Variants in ORM1 observed in about 807,000 individuals in gnomAD.
ORM1 encodes orosomucoid 1, also known as alpha-1-acid glycoprotein 1.
A neutral mutation model predicts 26.9 loss-of-function variants in ORM1; 13 were observed. That is an observed-to-expected ratio of 0.48 (90% confidence interval 0.31 to 0.77). The LOEUF is 0.77. ORM1 is among the 30% of genes least tolerant of loss of function. ORM1 has a pLI of 0.04. For missense variants in ORM1, 189 were observed against 246.8 expected (o/e 0.77, Z 1.57); for synonymous variants, 76 against 102.2 (o/e 0.74, Z 1.55).
chr9:114,324,111 G>C lies in ORM1; in HGVS notation c.328+23G>C, dbSNP rs767986560. ...ACGGTGAGGGCCAGCCCTCAGGCAG[G>C]AGGGTTCACTGTGGGAACAGGGCAG... On this transcript the variant is annotated intron_variant, in intron 3 of 5. Transcript: ENST00000259396. The C allele has an allele frequency of 1.1e-5, 17 of 1,610,570 alleles. No individual in the cohort carries two copies. In the South Asian group the frequency reaches 1.8e-4, roughly 17 times the overall value.
rs368706824 is a variant in ORM1 at position 114,325,005 on chromosome 9, G to C, written c.437-44G>C. The C allele has an allele frequency of 8.1e-6, 13 of 1,603,402 alleles. No homozygotes were observed. In the East Asian group the frequency reaches 2.9e-4, roughly 36 times the overall value. The stretch of plus-strand genomic sequence containing the variant: ...CCCCAGCCCTCCCTGGCCTCCCGCC[G>C]GGCCCCACCATGTCCCCAGTCAGTC... On this transcript the variant is annotated intron_variant, in intron 4 of 5. Transcript: ENST00000259396.
Position 114,325,064 on chromosome 9 carries a change from C to T in ORM1, c.452C>T (p.Thr151Met), listed in dbSNP as rs554585948. Residue 151 changes from threonine to methionine, a missense_variant, in exon 5 of 6, where the codon ACG becomes ATG. Transcript: ENST00000259396. ...CCCCCTGCAGCTGACAAGCCAGAGA[C>T]GACCAAGGAGCAACTGGGAGAGTTC... ...GLSVYADKPE[T>M]TKEQLGEFYE... The T allele has an allele frequency of 1.6e-5, 26 of 1,613,892 alleles. No homozygotes were observed. Among genetic ancestry groups the T allele is most frequent in the African/African-American group, 1.2e-4 (9 of 74,934 alleles).
At chr9:114,325,018 T>C (rs1304898678) in intron 4 of ORM1, 31 bp from the exon 5 acceptor site, 25 of 1,609,208 alleles carry the variant, frequency 1.6e-5, no homozygotes, top group Non-Finnish European at 2.0e-5. Flanking sequence ...CCCCACCATG[T>C]CCCCAGTCAG....
At chr9:114,324,375 C>A (rs545412312) in intron 3 of ORM1, among the ~76,000 whole-genome samples, 3 of 152,158 alleles carry the variant, frequency 2.0e-5, no homozygotes, top group Admixed American at 1.3e-4. Context: ...CTCTCTCATG[C>A]CCTCTTTAAG....
In ORM1 at chr9:114,323,777, A is replaced by C; in HGVS notation, c.229A>C (p.Thr77Pro). 1 of 1,614,046 alleles carries C rather than the reference A, an allele frequency of 6.2e-7. No individual in the cohort carries two copies. The highest frequency in any genetic ancestry group is 8.5e-7 in the Non-Finnish European group (1 of 1,179,984). ...CTTCACCCCCAACAAGACAGAGGAC[A>C]CGATCTTTCTCAGAGAGTACCAGAC... ...FYFTPNKTED[T>P]IFLREYQTRQ... is the part of the protein sequence containing the mutation. Residue 77 changes from threonine (T) to proline (P), a missense_variant, in exon 2 of 6, where the codon ACG becomes CCG. This residue lies in a region of ORM1 where 163 missense variants were observed against 157.7 expected (regional missense o/e 1.03). Coordinates refer to ENST00000259396, the MANE Select transcript of ORM1 (RefSeq NM_000607.4).
At chr9:114,326,227 A>G in intron 5 of ORM1, 65 bp from the exon 6 acceptor site, 1 of 1,595,464 alleles carries the variant, frequency 6.3e-7, no homozygotes, top group Non-Finnish European at 8.5e-7. Context: ...CTCTCCCTGG[A>G]AGACCTCCCA....
intron 5 of ORM1, among the ~76,000 whole-genome samples, chr9:114,325,429 G>A (rs1308826862): frequency 2.0e-5 from 3 of 151,782 alleles, no homozygotes; most frequent in Non-Finnish European, 2.9e-5. Context: ...TTGGCAATTG[G>A]AGGGGACGTA....
intron 3 of ORM1, among the ~76,000 whole-genome samples, chr9:114,324,388 C>G (rs564876593): frequency 1.4e-4 from 21 of 152,298 alleles, no homozygotes; most frequent in African/African-American, 5.1e-4. Context: ...TCTTTAAGAT[C>G]CTTTGCAAAC....
chr9:114,324,281 A>G (rs1829734206), intron 3 of ORM1, among the ~76,000 whole-genome samples, 193 bp downstream of exon 3: 1 of 152,208 alleles, frequency 6.6e-6, no homozygotes. Context: ...AAAGAAGAAC[A>G]GAGACCTCAA....
rs1829710579 is a variant in ORM1 at position 114,323,208 on chromosome 9, C to T, written c.75C>T (p.Asn25=). The T allele has an allele frequency of 6.3e-7, 1 of 1,597,330 alleles. No homozygotes were observed. The highest frequency in any genetic ancestry group is 8.5e-7 in the Non-Finnish European group (1 of 1,170,212). ...AAGCCCAGATCCCATTGTGTGCCAA[C>T]CTAGTACCGGTGCCCATCACCAACG... The part of the protein sequence containing the change: ...LLEAQIPLCA[N]LVPVPITNAT... The change falls in exon 1 of 6, where the codon AAC becomes AAT. Residue 25 remains asparagine (N), a synonymous_variant. Coordinates refer to ENST00000259396, the MANE Select transcript of ORM1 (RefSeq NM_000607.4).
At chr9:114,324,228 C>T (rs1829733138) in intron 3 of ORM1, 140 bp downstream of exon 3, 3 of 826,470 alleles carry the variant, frequency 3.6e-6, no homozygotes, top group South Asian at 1.6e-5. Flanking sequence ...ACGATGTGCT[C>T]AGAAACAACT....
At position 114,323,995 on chromosome 9, in the gene ORM1, T is replaced by C. The variant is rs755599895; in HGVS notation, c.258-23T>C. 9 of 1,613,276 alleles carry C rather than the reference T, an allele frequency of 5.6e-6. No individual in the cohort carries two copies. In the African/African-American group the frequency reaches 6.7e-5, roughly 12 times the overall value. ...CTTCTCAATAATCTTCCTGTTTTCC[T>C]TCCGCCTTCTGTTTGGCTTTAGACA... On this transcript the variant is annotated intron_variant, in intron 2 of 5. Coordinates refer to ENST00000259396, the MANE Select transcript of ORM1 (RefSeq NM_000607.4).
At position 114,323,255 on chromosome 9, in the gene ORM1, C is replaced by T. The variant is rs1254051776; in HGVS notation, c.114+8C>T. 1.4e-5 allele frequency: 23 copies of T among 1,603,718 alleles called. No individual in the cohort carries two copies. Among genetic ancestry groups the T allele is most frequent in the Non-Finnish European group, 2.0e-5 (23 of 1,174,992 alleles). ...AACGCCACCCTGGACCGGGTGAGTG[C>T]CTGGGCTAGCCCTGTCCTGAGCACA... is the stretch of plus-strand genomic sequence containing the variant. On this transcript the variant is annotated splice_region_variant and intron_variant, in intron 1 of 5. Transcript: ENST00000259396.
intron 5 of ORM1, among the ~76,000 whole-genome samples, chr9:114,325,661 A>G (rs1347503243): frequency 6.6e-6 from 1 of 152,204 alleles, no homozygotes; most frequent in Non-Finnish European, 1.5e-5. Context: ...CTGTGTTTGG[A>G]AGACTTGCGT....
chr9:114,324,990 C>A (rs1364169990), intron 4 of ORM1, 59 bp from the exon 5 acceptor site: 1 of 1,594,240 alleles, frequency 6.3e-7, no homozygotes, highest in African/African-American at 1.3e-5. Flanking sequence ...CCCCAGCCCT[C>A]CCTGGCCTCC....
At position 114,324,045 on chromosome 9, in the gene ORM1, C is replaced by A. The variant is rs376146322; in HGVS notation, c.285C>A (p.Thr95=). The change falls in exon 3 of 6, where the codon ACC becomes ACA. Residue 95 remains threonine (T), a synonymous_variant. Transcript: ENST00000259396. ...AGGACCAGTGCATCTATAACACCAC[C>A]TACCTGAATGTCCAGCGGGAAAATG... ...TRQDQCIYNT[T]YLNVQRENGT... is the part of the protein sequence containing the mutation. 95 of 1,613,928 alleles carry A rather than the reference C, an allele frequency of 5.9e-5. No homozygotes were observed. The highest frequency in any genetic ancestry group is 5.9e-6 in the Non-Finnish European group (7 of 1,180,008).
Position 114,324,020 on chromosome 9 carries a change from A to C in ORM1, c.260A>C (p.Gln87Pro). Residue 87 changes from glutamine (Q) to proline (P), a missense_variant and splice_region_variant, in exon 3 of 6, where the codon CAG (glutamine) becomes CCG (proline). Around this residue, in one of 3 missense-constraint regions of ORM1, gnomAD observed 163 missense variants for 157.7 expected, o/e 1.03. Coordinates refer to ENST00000259396, the MANE Select transcript of ORM1 (RefSeq NM_000607.4). ...TIFLREYQTR[Q>P]DQCIYNTTYL... is the part of the protein sequence containing the mutation. ...TTCCGCCTTCTGTTTGGCTTTAGAC[A>C]GGACCAGTGCATCTATAACACCACC... The C allele has an allele frequency of 6.2e-7, 1 of 1,614,072 alleles. No individual in the cohort carries two copies. Among genetic ancestry groups the C allele is most frequent in the Non-Finnish European group, 8.5e-7 (1 of 1,179,980 alleles).
At position 114,326,160 on chromosome 9, in the gene ORM1, A is replaced by G. The variant is rs1829765722; in HGVS notation, c.541-132A>G. ...CAAGATCACCCAGCTGGGAAGTGAC[A>G]GTGCCAGGGTTGGAGCCCTGGTTGA... On this transcript the variant is annotated intron_variant, in intron 5 of 5. Transcript: ENST00000259396. 7.5e-6 allele frequency: 7 copies of G among 929,644 alleles called. No individual in the cohort carries two copies. In the East Asian group the frequency reaches 1.8e-4, roughly 25 times the overall value. 57.6% of individuals were successfully genotyped at this position (929,644 alleles called of 1,614,324 possible).
At position 114,323,998 on chromosome 9, in the gene ORM1, C is replaced by T. The variant is rs1333511008; in HGVS notation, c.258-20C>T. ...CTCAATAATCTTCCTGTTTTCCTTCCGCCTTCTGTTTGGCTTTAGACAGGA... is the reference window on the plus strand; with the variant it reads ...CTCAATAATCTTCCTGTTTTCCTTCTGCCTTCTGTTTGGCTTTAGACAGGA... On this transcript the variant is annotated intron_variant, in intron 2 of 5. Transcript: ENST00000259396. The T allele has an allele frequency of 2.6e-5, 42 of 1,613,214 alleles. No homozygotes were observed. Among genetic ancestry groups the T allele is most frequent in the African/African-American group, 5.3e-5 (4 of 74,874 alleles).
Sources: allele counts gnomAD v4.1 joint callset (sites outside exome capture counted in the v4.1 genomes callset), GRCh38; gene constraint gnomAD v4.1.1; regional missense constraint gnomAD v4.1.1; transcripts MANE v1.5; gene names NCBI Gene and HGNC (gene_info 2026-07-23, HGNC 2026-07-21).